The following PTBP3 variants were observed in gnomAD, a reference collection of about 807,000 sequenced individuals.
PTBP3 encodes the protein polypyrimidine tract binding protein 3.
PTBP3 carries 20 observed loss-of-function variants against 58.7 expected under a neutral mutation model. The ratio of observed to expected loss-of-function variants is 0.34; its 90% confidence interval spans 0.24 to 0.50. The LOEUF (loss-of-function observed/expected upper bound fraction) is 0.50. Among genes scored for constraint, PTBP3 ranks in the 20% least tolerant of loss-of-function variants. PTBP3 has a pLI of 0.98. For missense variants in PTBP3, 509 were observed against 637.2 expected (o/e 0.80, Z 2.17); for synonymous variants, 185 against 219.8 (o/e 0.84, Z 1.40).
chr9:112,360,917 A>G, the PTBP3 span, among the ~76,000 whole-genome samples: 1 of 152,180 alleles, frequency 6.6e-6, no homozygotes, highest in Non-Finnish European at 1.5e-5. Context: ...CACTTTAAAA[A>G]ATGGATTATT....
chr9:112,320,014 G>A (rs1829853881), intron 1 of PTBP3, among the ~76,000 whole-genome samples: 1 of 152,044 alleles, frequency 6.6e-6, no homozygotes, highest in Non-Finnish European at 1.5e-5. Flanking sequence ...GGTTACCAGG[G>A]GCTGGGGGTG....
intron 4 of PTBP3, among the ~76,000 whole-genome samples, chr9:112,264,951 T>C (rs1836736774): frequency 6.6e-6 from 1 of 152,042 alleles, no homozygotes; most frequent in Non-Finnish European, 1.5e-5. Context: ...TGAAGGAAAA[T>C]TAAAAACTCT....
intron 1 of PTBP3, among the ~76,000 whole-genome samples, chr9:112,310,573 G>A (rs1401016026): frequency 6.6e-6 from 1 of 152,188 alleles, no homozygotes. Flanking sequence ...AACCACTGGG[G>A]AAGATTAGGG....
the PTBP3 span, among the ~76,000 whole-genome samples, chr9:112,351,619 G>A: frequency 6.6e-6 from 1 of 152,142 alleles, no homozygotes; most frequent in Non-Finnish European, 1.5e-5. Flanking sequence ...GAATTCTTCT[G>A]TACAGATGAT....
chr9:112,235,034 A>T (rs1589804826), intron 7 of PTBP3, 137 bp from the exon 8 acceptor site: 1 of 661,954 alleles, frequency 1.5e-6, no homozygotes, highest in Non-Finnish European at 2.4e-6. Context: ...TCAACAAGTG[A>T]TCTTTAACGT....
intron 1 of PTBP3, among the ~76,000 whole-genome samples, chr9:112,329,513 T>A (rs1343274315): frequency 6.6e-6 from 1 of 152,238 alleles, no homozygotes; most frequent in Non-Finnish European, 1.5e-5. Context: ...TCCAGCTCTC[T>A]GGATGTTTGC....
chr9:112,297,098 C>T (rs964813382), intron 2 of PTBP3, among the ~76,000 whole-genome samples: 1 of 152,174 alleles, frequency 6.6e-6, no homozygotes, highest in African/African-American at 2.4e-5. Context: ...ATTTCAAGAA[C>T]ATTTATTTTA....
At chr9:112,358,056 C>T in the PTBP3 span, among the ~76,000 whole-genome samples, 1 of 151,924 alleles carries the variant, frequency 6.6e-6, no homozygotes, top group Non-Finnish European at 1.5e-5. Context: ...GCCTGTAATC[C>T]CAGCATTTTA....
the PTBP3 span, among the ~76,000 whole-genome samples, chr9:112,339,577 T>C: frequency 6.6e-6 from 1 of 151,832 alleles, no homozygotes; most frequent in Non-Finnish European, 1.5e-5. Flanking sequence ...TTTTTTTTTT[T>C]TCTTTTGAGA....
At chr9:112,334,272 C>G (rs1365715100), upstream of PTBP3, among the ~76,000 whole-genome samples, 2 of 152,100 alleles carry the variant, frequency 1.3e-5, no homozygotes, top group Admixed American at 1.3e-4. Context: ...TGCATTTCGA[C>G]CTAACCGTCT....
At chr9:112,333,169 C>A in intron 1 of PTBP3, 2 of 1,177,552 alleles carry the variant, frequency 1.7e-6, no homozygotes, top group Non-Finnish European at 2.1e-6. Context: ...GGAGGGCGGA[C>A]CTCGGCACCG....
At chr9:112,316,968 T>C (rs576924581) in intron 1 of PTBP3, among the ~76,000 whole-genome samples, 9 of 139,814 alleles carry the variant, frequency 6.4e-5, no homozygotes, top group African/African-American at 2.4e-4. Flanking sequence ...TGAGACACCA[T>C]CTCAAAAAAA....
intron 7 of PTBP3, among the ~76,000 whole-genome samples, chr9:112,237,320 T>C (rs1260716538): frequency 6.6e-6 from 1 of 152,188 alleles, no homozygotes; most frequent in Non-Finnish European, 1.5e-5. Context: ...TATCTTCATT[T>C]CAGAATGAGG....
intron 7 of PTBP3, among the ~76,000 whole-genome samples, chr9:112,248,809 C>G (rs1410492752): frequency 6.6e-6 from 1 of 152,114 alleles, no homozygotes; most frequent in Non-Finnish European, 1.5e-5. Flanking sequence ...TCTTGTCCAG[C>G]AGGAAAGAAT....
At chr9:112,260,301 G>A (rs149892157) in intron 5 of PTBP3, among the ~76,000 whole-genome samples, 114 of 152,316 alleles carry the variant, frequency 7.5e-4, no homozygotes, top group African/African-American at 2.5e-3. Context: ...TAAAAAATGA[G>A]AGAGAACATC....
the PTBP3 span, among the ~76,000 whole-genome samples, chr9:112,350,454 A>G: frequency 6.6e-6 from 1 of 152,230 alleles, no homozygotes; most frequent in Non-Finnish European, 1.5e-5. Context: ...TTCCACGCCC[A>G]GTACCCAATT....
At chr9:112,307,357 G>C (rs904015286) in intron 1 of PTBP3, among the ~76,000 whole-genome samples, 1 of 152,092 alleles carries the variant, frequency 6.6e-6, no homozygotes, top group African/African-American at 2.4e-5. Context: ...TGGGGGCTGA[G>C]GTGGGAGGAT....
intron 1 of PTBP3, among the ~76,000 whole-genome samples, chr9:112,316,192 T>C (rs747390016): frequency 2.6e-5 from 4 of 151,446 alleles, no homozygotes; most frequent in Non-Finnish European, 5.9e-5. Flanking sequence ...GATCCCCATC[T>C]CCTAGAATTC....
the PTBP3 span, among the ~76,000 whole-genome samples, chr9:112,372,899 C>CTT: frequency 7.3e-5 from 10 of 136,926 alleles, no homozygotes; most frequent in East Asian, 1.3e-3. Context: ...CATAGGCTTT[C>CTT]TTTTTTTTTT....
Sources: allele counts gnomAD v4.1 joint callset (sites outside exome capture counted in the v4.1 genomes callset), GRCh38; gene constraint gnomAD v4.1.1; transcripts MANE v1.5; gene names NCBI Gene and HGNC (gene_info 2026-07-23, HGNC 2026-07-21).